SNAPC4: variants seen among roughly 807,000 people sequenced by gnomAD.
SNAPC4 encodes the protein small nuclear RNA activating complex polypeptide 4.
Under a neutral mutation model 151.3 loss-of-function variants are expected in SNAPC4, and 127 were observed. The observed-to-expected ratio is 0.84, with a 90% CI of 0.73 to 0.97. The LOEUF is 0.97. Ranked by LOEUF, SNAPC4 falls within the 50% of genes least tolerant of loss-of-function variation. The pLI is 0.00. For missense variants in SNAPC4, 2,186 were observed against 1,935.0 expected, an observed-to-expected ratio of 1.13 and a Z score of -2.43; for synonymous variants, 1,002 against 824.4, an observed-to-expected ratio of 1.22 and a Z score of -3.69.
In SNAPC4 at chr9:136,378,695, G is replaced by T; in HGVS notation, c.3132C>A (p.Leu1044=). ...KQGLPEAPPF[L]PAAPSPTPLP... ...GTGGGGTGGGGCTGGGGGCTGCGGG[G>T]AGAAAGGGTGGCGCCTCAGGCAGGC... is the stretch of plus-strand genomic sequence containing the variant. The change falls in exon 22 of 24, where the codon CTC becomes CTA. Residue 1044 remains leucine, a synonymous_variant. Transcript: ENST00000684778. The T allele has an allele frequency of 6.7e-7, 1 of 1,496,258 alleles. No homozygotes were observed. The highest frequency in any genetic ancestry group is 8.9e-7 in the Non-Finnish European group (1 of 1,122,544). The allele number at this position is 1,496,258 out of a possible 1,614,324, so 92.7% of individuals were successfully genotyped here.
rs1377187601 is a variant in SNAPC4, at chr9:136,378,685, G to C, written c.3142C>G (p.Pro1048Ala). ...PEAPPFLPAAPSPTPLPVQPL... is the reference protein window; with the variant it reads ...PEAPPFLPAAASPTPLPVQPL... The stretch of plus-strand genomic sequence containing the variant: ...TGGACGGGCAGTGGGGTGGGGCTGG[G>C]GGCTGCGGGGAGAAAGGGTGGCGCC... The change falls in exon 22 of 24, where the codon CCC (proline) becomes GCC (alanine). Residue 1048 changes from proline to alanine, a missense_variant. Physicochemically the swap from Pro to Ala is conservative, Grantham distance 27. Coordinates refer to ENST00000684778, the MANE Select transcript of SNAPC4 (RefSeq NM_003086.4). The C allele has an allele frequency of 1.3e-6, 2 of 1,498,350 alleles. No individual in the cohort carries two copies. Among genetic ancestry groups the C allele is most frequent in the East Asian group, 2.4e-5 (1 of 42,066 alleles). The allele number at this position is 1,498,350 out of a possible 1,614,324, so 92.8% of individuals were successfully genotyped here.
intron 1 of SNAPC4, chr9:136,398,690 C>T (rs116971241): frequency 5.0e-6 from 2 of 403,190 alleles, no homozygotes; most frequent in African/African-American, 4.0e-5. Flanking sequence ...TGCTCTGAGG[C>T]TGCAACCAGC....
In SNAPC4 at chr9:136,391,947, G is replaced by C. The variant is rs374981650; in HGVS notation, c.970C>G (p.Leu324Val). Residue 324 changes from leucine (L) to valine (V), a missense_variant, in exon 10 of 24, where the codon CTG (leucine) becomes GTG (valine). Leu to Val is a conservative substitution (Grantham distance 32). Transcript: ENST00000684778. The stretch of plus-strand genomic sequence containing the variant: ...GGTCCAGGCCAGGCCCTTACCCCCA[G>C]CTCCTCTGCAATCTTCTGCCACTCC... ...HLEWQKIAEE[L>V]GTSRSAFQCL... 2.5e-6 allele frequency: 4 copies of C among 1,602,196 alleles called. No homozygotes were observed. In the African/African-American group the frequency reaches 5.3e-5, roughly 21 times the overall value.
chr9:136,376,287 C>T, intron 23 of SNAPC4, 62 bp downstream of exon 23: 1 of 1,583,540 alleles, frequency 6.3e-7, no homozygotes, highest in African/African-American at 1.3e-5. Flanking sequence ...AGGCCCCCTG[C>T]CATCTGGACA....
chr9:136,389,682 A>G (rs556778618), intron 10 of SNAPC4, among the ~76,000 whole-genome samples: 128 of 152,262 alleles, frequency 8.4e-4, no homozygotes, highest in Non-Finnish European at 1.5e-3. Flanking sequence ...CTTCCCAACC[A>G]GTGGAAAGAG....
intron 9 of SNAPC4, 25 bp from the exon 10 acceptor site, chr9:136,392,131 T>C (rs1588761992): frequency 1.2e-6 from 2 of 1,609,902 alleles, no homozygotes; most frequent in Non-Finnish European, 8.5e-7. Flanking sequence ...ACACTCAGCC[T>C]TGCAGGCCAC....
chr9:136,388,418 G>C, intron 11 of SNAPC4, 26 bp downstream of exon 11: 1 of 1,606,800 alleles, frequency 6.2e-7, no homozygotes, highest in Non-Finnish European at 8.5e-7. Context: ...GACAGCCTGA[G>C]AGCCGTCGGG....
At position 136,394,723 on chromosome 9, in the gene SNAPC4, G is replaced by A. The variant is rs1230903297; in HGVS notation, c.550+77C>T. 3 of 1,328,492 alleles carry A rather than the reference G, an allele frequency of 2.3e-6. No individual in the cohort carries two copies. The African/African-American group carries it at 4.3e-5, about 19-fold the overall frequency. The allele number at this position is 1,328,492 out of a possible 1,614,324, so 82.3% of individuals were successfully genotyped here. On this transcript the variant is annotated intron_variant, in intron 6 of 23. Transcript: ENST00000684778. Reference sequence around the variant, plus strand: ...AACAGAGAGAGGTCTGAGAACTTGGGGAGAAACTGGGGAAAGGAGGGCCAT... The same window carrying A: ...AACAGAGAGAGGTCTGAGAACTTGGAGAGAAACTGGGGAAAGGAGGGCCAT...
chr9:136,394,418 T>C (rs1342971997), intron 6 of SNAPC4, 88 bp from the exon 7 acceptor site: 1 of 1,239,010 alleles, frequency 8.1e-7, no homozygotes, highest in East Asian at 2.3e-5. Flanking sequence ...CCCGAGGCAG[T>C]GGTGGGGGGC....
intron 3 of SNAPC4, among the ~76,000 whole-genome samples, chr9:136,396,723 C>T (rs1834286357): frequency 6.6e-6 from 1 of 152,206 alleles, no homozygotes; most frequent in South Asian, 2.1e-4. Flanking sequence ...TGACAGATGC[C>T]ACACAGGAGA....
intron 23 of SNAPC4, among the ~76,000 whole-genome samples, 163 bp downstream of exon 23, chr9:136,376,186 G>A (rs2131457181): frequency 6.6e-6 from 1 of 152,298 alleles, no homozygotes; most frequent in South Asian, 2.1e-4. Context: ...TGGGTTAAAT[G>A]CTTCTCCCCC....
chr9:136,377,741 G>A lies in SNAPC4; in HGVS notation c.4086C>T (p.Leu1362=), dbSNP rs1347854390. ...CTGCCAGGAACCGCGCCCGCAACAG[G>A]AGGTAGGCCGGGTTGTCCTGGAGCT... The part of the protein sequence containing the change: ...RGQLQDNPAY[L]LLRARFLAAF... Residue 1362 remains leucine, a synonymous_variant, in exon 22 of 24, where the codon CTC becomes CTT. Transcript: ENST00000684778. 2.5e-6 allele frequency: 4 copies of A among 1,610,272 alleles called. No individual in the cohort carries two copies. In the South Asian group the frequency reaches 4.4e-5, roughly 18 times the overall value.
intron 2 of SNAPC4, among the ~76,000 whole-genome samples, chr9:136,397,350 G>C (rs947006717): frequency 6.6e-6 from 1 of 151,832 alleles, no homozygotes; most frequent in Non-Finnish European, 1.5e-5. Context: ...TCTCCTTCAG[G>C]AGCTTAGCCG....
rs758504121 is a variant in SNAPC4, at chr9:136,380,773, A to G, written c.2466T>C (p.Ala822=). The G allele has an allele frequency of 7.4e-6, 12 of 1,610,774 alleles. No homozygotes were observed. Among genetic ancestry groups the G allele is most frequent in the Non-Finnish European group, 1.0e-5 (12 of 1,178,148 alleles). The change falls in exon 20 of 24, where the codon GCT becomes GCC. Residue 822 remains alanine (A), a synonymous_variant. Coordinates refer to ENST00000684778, the MANE Select transcript of SNAPC4 (RefSeq NM_003086.4). ...RKALPPRLPQ[A]GARDPPVHLL... Reference sequence around the variant, plus strand: ...GATGAACTGGTGGGTCCCGAGCACCAGCCTGGGGCAGCCTGGGTGGCAGGG... The same window carrying G: ...GATGAACTGGTGGGTCCCGAGCACCGGCCTGGGGCAGCCTGGGTGGCAGGG...
rs2131466751 is a variant in SNAPC4, at chr9:136,381,816, G to A, written c.2317+8C>T. The stretch of plus-strand genomic sequence containing the variant: ...CCAGGATGCTCCCAGAGGAGCCCCA[G>A]GCCATACCTTGAGTCTGCACTACGG... On this transcript the variant is annotated splice_region_variant and intron_variant, in intron 18 of 23. Transcript: ENST00000684778. 6.2e-7 allele frequency: 1 copy of A among 1,609,882 alleles called. No homozygotes were observed. The highest frequency in any genetic ancestry group is 1.1e-5 in the South Asian group (1 of 90,908).
chr9:136,380,645 AGCGGGTGGG>A (rs1329194012), intron 20 of SNAPC4, 86 bp downstream of exon 20: 5 of 691,042 alleles, frequency 7.2e-6, no homozygotes, highest in East Asian at 5.3e-5. Flanking sequence ...GCTGCGGTGG[AGCGGGTGGG>A]GCGGGCAGCC....
intron 13 of SNAPC4, among the ~76,000 whole-genome samples, chr9:136,385,157 T>C (rs1452258910): frequency 6.6e-6 from 1 of 152,198 alleles, no homozygotes; most frequent in Non-Finnish European, 1.5e-5. Flanking sequence ...TCTAAAAACC[T>C]ATTTCTATGA....
At chr9:136,387,903 G>C (rs376259257) in intron 11 of SNAPC4, 55 bp from the exon 12 acceptor site, 1 of 995,022 alleles carries the variant, frequency 1.0e-6, no homozygotes, top group African/African-American at 1.6e-5. Context: ...ACCCTCCATA[G>C]AGTAGACAGC....
At chr9:136,387,930 C>G in intron 11 of SNAPC4, 82 bp from the exon 12 acceptor site, 1 of 832,154 alleles carries the variant, frequency 1.2e-6, no homozygotes, top group Non-Finnish European at 2.1e-6. Context: ...CAACAGGGTC[C>G]CGTGGGGCCG....
Sources: allele counts gnomAD v4.1 joint callset (sites outside exome capture counted in the v4.1 genomes callset), GRCh38; gene constraint gnomAD v4.1.1; transcripts MANE v1.5; gene names NCBI Gene and HGNC (gene_info 2026-07-23, HGNC 2026-07-21).